The following TNIK variants were observed in gnomAD, a reference collection of about 807,000 sequenced individuals.
TNIK encodes TRAF2 and NCK-interacting protein kinase.
TNIK carries 49 observed loss-of-function variants against 191.3 expected under a neutral mutation model. The ratio of observed to expected loss-of-function variants is 0.26; its 90% CI spans 0.20 to 0.32. The LOEUF (loss-of-function observed/expected upper bound fraction) is 0.32. Among genes scored for constraint, TNIK ranks in the 10% least tolerant of loss-of-function variants. The probability of loss-of-function intolerance (pLI) is 1.00; values close to 1 mark genes in which losing one functional copy is unlikely to be tolerated. For missense variants in TNIK, 1,155 were observed against 1,702.3 expected, an observed-to-expected ratio of 0.68 and a Z score of 5.66; for synonymous variants, 594 against 600.9, an observed-to-expected ratio of 0.99 and a Z score of 0.17.
chr3:171,371,225 G>C (rs1380636615), intron 1 of TNIK, among the ~76,000 whole-genome samples: 9 of 152,144 alleles, frequency 5.9e-5, no homozygotes, highest in Admixed American at 5.9e-4. Flanking sequence ...GATTTAAATG[G>C]GGGAAGGGGA....
intron 2 of TNIK, among the ~76,000 whole-genome samples, chr3:171,307,782 C>A (rs1240833025): frequency 6.6e-6 from 1 of 152,120 alleles, no homozygotes; most frequent in African/African-American, 2.4e-5. Context: ...CTCTGAGACC[C>A]TTTCAGGGGT....
chr3:171,226,216 G>T (rs1742942511), intron 3 of TNIK, among the ~76,000 whole-genome samples: 1 of 152,126 alleles, frequency 6.6e-6, no homozygotes, highest in Non-Finnish European at 1.5e-5. Context: ...TTCCCTTGCA[G>T]CTAGATACAG....
chr3:171,337,471 A>G (rs1355007632), intron 2 of TNIK, among the ~76,000 whole-genome samples: 1 of 152,242 alleles, frequency 6.6e-6, no homozygotes, highest in Non-Finnish European at 1.5e-5. Flanking sequence ...ACGCCTTTGC[A>G]TGTAAATACG....
intron 4 of TNIK, among the ~76,000 whole-genome samples, chr3:171,195,985 T>C (rs988802561): frequency 1.3e-5 from 2 of 152,192 alleles, no homozygotes; most frequent in Non-Finnish European, 2.9e-5. Context: ...ATAAGAATAA[T>C]AGCTGTAATG....
chr3:171,183,496 G>A (rs144731842), intron 7 of TNIK, among the ~76,000 whole-genome samples: 37 of 152,288 alleles, frequency 2.4e-4, no homozygotes, highest in Middle Eastern at 6.8e-3. Context: ...TTGTGTGTAT[G>A]GTCCCTAGGG....
At chr3:171,382,218 C>CTTTTTTTTTTTTTTTTTTT (rs63626462) in intron 1 of TNIK, among the ~76,000 whole-genome samples, 1 of 99,146 alleles carries the variant, frequency 1.0e-5, no homozygotes, top group Non-Finnish European at 1.9e-5. Context: ...TTGAATACAT[C>CTTTTTTTTTTTTTTTTTTT]TTTTTTTTTT....
chr3:171,119,194 CA>C (rs1414121757), intron 18 of TNIK, among the ~76,000 whole-genome samples: 1 of 152,128 alleles, frequency 6.6e-6, no homozygotes, highest in Non-Finnish European at 1.5e-5. Context: ...TGAAAAAATG[CA>C]TCATCATCAC....
chr3:171,419,690 A>G (rs1048817040), intron 1 of TNIK, among the ~76,000 whole-genome samples: 3 of 152,222 alleles, frequency 2.0e-5, no homozygotes, highest in African/African-American at 7.2e-5. Flanking sequence ...TGGGGAGAGC[A>G]TGGCAATTGT....
Position 171,284,352 on chromosome 3 carries a change from G to A in TNIK, c.124-56131C>T, listed in dbSNP as rs553582388. ...CAATTTTTTAATTTAGTAGTTCTTT[G>A]TGAAAAATGTCCTCTCACATGCAGC... is the stretch of plus-strand genomic sequence containing the variant. On this transcript the variant is annotated intron_variant, in intron 2 of 32. Coordinates refer to ENST00000436636, the MANE Select transcript of TNIK (RefSeq NM_015028.4). Among the ~76,000 whole-genome samples, 86 of 152,252 alleles carry A rather than the reference G, an allele frequency of 5.6e-4. 2 individuals carry two copies. The highest frequency in any genetic ancestry group is 1.9e-3 in the African/African-American group (80 of 41,566).
chr3:171,083,874 T>G (rs1720999713), intron 26 of TNIK, among the ~76,000 whole-genome samples: 1 of 152,146 alleles, frequency 6.6e-6, no homozygotes, highest in Non-Finnish European at 1.5e-5. Context: ...ATGTATTCAG[T>G]GGTAGCTAGT....
In TNIK at chr3:171,077,112, C is replaced by T. The variant is rs1412738671; in HGVS notation, c.3448+2406G>A. On this transcript the variant is annotated intron_variant, in intron 28 of 32. Transcript: ENST00000436636. The stretch of plus-strand genomic sequence containing the variant: ...TTTTATACTTGTTTTCTATGTATCT[C>T]TCTCTAAGCACATGTAAACTTTCTG... Among the ~76,000 whole-genome samples, 14 of 120,004 alleles carry T rather than the reference C, an allele frequency of 1.2e-4. No individual in the cohort carries two copies. The Admixed American group carries it at 1.3e-3, about 11-fold the overall frequency. The allele number at this position is 120,004 out of a possible 152,430, so 78.7% of individuals were successfully genotyped here. A position where few individuals can be genotyped will look rare whatever the true frequency, so the allele number is the denominator to read the frequency against.
intron 2 of TNIK, among the ~76,000 whole-genome samples, chr3:171,367,686 G>T (rs1224594209): frequency 2.6e-5 from 4 of 152,096 alleles, no homozygotes; most frequent in Non-Finnish European, 1.5e-5. Flanking sequence ...GGCCTGGTTG[G>T]TCTTGAAATC....
intron 2 of TNIK, among the ~76,000 whole-genome samples, chr3:171,251,508 G>T (rs1356361015): frequency 1.3e-5 from 2 of 152,144 alleles, no homozygotes; most frequent in East Asian, 3.9e-4. Context: ...GGGCAAGTTG[G>T]CTGGGGCTGA....
At chr3:171,259,426 A>AG (rs1747318541) in intron 2 of TNIK, among the ~76,000 whole-genome samples, 1 of 152,184 alleles carries the variant, frequency 6.6e-6, no homozygotes, top group African/African-American at 2.4e-5. Context: ...CTGGTGGCCT[A>AG]GAAGCTGACC....
chr3:171,428,296 A>G (rs1356616351), intron 1 of TNIK, among the ~76,000 whole-genome samples: 6 of 152,184 alleles, frequency 3.9e-5, no homozygotes, highest in African/African-American at 1.2e-4. Flanking sequence ...TAAAATACCA[A>G]AAAGGTTTTC....
At chr3:171,419,822 G>GT (rs77729501) in intron 1 of TNIK, among the ~76,000 whole-genome samples, 17,360 of 152,236 alleles carry the variant, frequency 0.11, 1,753 homozygotes, top group East Asian at 0.52. Context: ...TAGCCCATCT[G>GT]TTTTTTGAAC....
chr3:171,443,848 C>A (rs1267658203), intron 1 of TNIK, among the ~76,000 whole-genome samples: 1 of 152,024 alleles, frequency 6.6e-6, no homozygotes, highest in Non-Finnish European at 1.5e-5. Flanking sequence ...AAATAAAATG[C>A]TTGAACAATT....
intron 18 of TNIK, among the ~76,000 whole-genome samples, chr3:171,114,101 T>G (rs1412968454): frequency 6.6e-6 from 1 of 152,084 alleles, no homozygotes; most frequent in African/African-American, 2.4e-5. Context: ...TTCTGTTAGA[T>G]TTACACAATG....
intron 12 of TNIK, among the ~76,000 whole-genome samples, chr3:171,145,904 A>C (rs1731506319): frequency 6.6e-6 from 1 of 152,116 alleles, no homozygotes; most frequent in Non-Finnish European, 1.5e-5. Context: ...AATGCCATAA[A>C]ATTGCATTTT....
Sources: gnomAD v4.1 joint callset for allele counts (sites outside exome capture counted in the v4.1 genomes callset) on GRCh38, gnomAD v4.1.1 for gene constraint, MANE v1.5 for transcripts, NCBI Gene and HGNC (gene_info 2026-07-23, HGNC 2026-07-21) for gene names.